Variants in PIK3C2G observed in about 807,000 individuals in gnomAD.
PIK3C2G encodes the protein phosphatidylinositol-4-phosphate 3-kinase catalytic subunit type 2 gamma.
In PIK3C2G, 168 loss-of-function variants were observed where a neutral mutation model predicts 181.1. The ratio of observed to expected loss-of-function variants is 0.93; its 90% CI spans 0.82 to 1.05. The LOEUF (loss-of-function observed/expected upper bound fraction) is 1.05. Ranked by LOEUF, PIK3C2G falls within the 50% of genes least tolerant of loss-of-function variation. The probability of loss-of-function intolerance (pLI) is 0.00; values close to 1 mark genes in which losing one functional copy is unlikely to be tolerated. For missense variants in PIK3C2G, 1,869 were observed against 1,732.8 expected, an observed-to-expected ratio of 1.08 and a Z score of -1.40; for synonymous variants, 573 against 592.2, an observed-to-expected ratio of 0.97 and a Z score of 0.47.
downstream of PIK3C2G, among the ~76,000 whole-genome samples, chr12:18,650,710 AT>A (rs1950455587): frequency 1.4e-4 from 1 of 7,060 alleles, no homozygotes; most frequent in Non-Finnish European, 2.6e-4. Flanking sequence ...GTGTGTATAT[AT>A]CTATATATAT....
chr12:18,562,333 C>T (rs1156913902), intron 26 of PIK3C2G, among the ~76,000 whole-genome samples: 1 of 152,100 alleles, frequency 6.6e-6, no homozygotes, highest in Non-Finnish European at 1.5e-5. Context: ...AGGGTTTCAC[C>T]GTGTTAGCCA....
intron 5 of PIK3C2G, among the ~76,000 whole-genome samples, chr12:18,296,029 C>T (rs945201439): frequency 3.3e-5 from 5 of 152,140 alleles, no homozygotes; most frequent in African/African-American, 1.2e-4. Context: ...TATAGAAGTA[C>T]ACTTCATTTG....
intron 16 of PIK3C2G, among the ~76,000 whole-genome samples, chr12:18,409,066 T>C (rs942108316): frequency 1.3e-5 from 2 of 152,304 alleles, no homozygotes; most frequent in Admixed American, 1.3e-4. Context: ...CAAAGGATTA[T>C]AAATCATTCT....
At chr12:18,316,183 C>T (rs184166776) in intron 6 of PIK3C2G, among the ~76,000 whole-genome samples, 1 of 152,138 alleles carries the variant, frequency 6.6e-6, no homozygotes, top group African/African-American at 2.4e-5. Flanking sequence ...AGTTGCACAG[C>T]TAGTAAATAA....
At chr12:18,475,373 A>AACACACAC (rs57853875) in intron 18 of PIK3C2G, among the ~76,000 whole-genome samples, 3,442 of 139,860 alleles carry the variant, frequency 0.025, 63 homozygotes, top group African/African-American at 0.039. Flanking sequence ...CCACCACCCC[A>AACACACAC]ACACACACAC....
At chr12:18,718,156 A>T in the PIK3C2G span, among the ~76,000 whole-genome samples, 15 of 152,156 alleles carry the variant, frequency 9.9e-5, no homozygotes, top group Non-Finnish European at 1.8e-4. Flanking sequence ...AGATATACTA[A>T]ATGCATTTTC....
chr12:18,408,928 G>T (rs1353302213), intron 16 of PIK3C2G, among the ~76,000 whole-genome samples: 4 of 152,154 alleles, frequency 2.6e-5, no homozygotes, highest in Admixed American at 2.6e-4. Context: ...GGGGAAATAG[G>T]AACGCTTTTA....
intron 14 of PIK3C2G, among the ~76,000 whole-genome samples, chr12:18,384,543 A>G (rs1433846584): frequency 6.6e-6 from 1 of 152,218 alleles, no homozygotes; most frequent in Non-Finnish European, 1.5e-5. Flanking sequence ...AGTTTTGTGG[A>G]TATAAATTCA....
intron 18 of PIK3C2G, among the ~76,000 whole-genome samples, chr12:18,447,621 A>G (rs1056854280): frequency 6.6e-6 from 1 of 152,108 alleles, no homozygotes; most frequent in African/African-American, 2.4e-5. Context: ...TGAAAATGTT[A>G]TGTTTGTTTG....
intron 30 of PIK3C2G, among the ~76,000 whole-genome samples, chr12:18,599,198 C>T (rs972686894): frequency 4.6e-5 from 7 of 152,260 alleles, no homozygotes; most frequent in Admixed American, 1.3e-4. Flanking sequence ...CACATGCACA[C>T]GTATGCTTAT....
chr12:18,375,811 C>T (rs1942395229), intron 13 of PIK3C2G, among the ~76,000 whole-genome samples: 1 of 152,212 alleles, frequency 6.6e-6, no homozygotes, highest in African/African-American at 2.4e-5. Flanking sequence ...GACACTGCTC[C>T]CCACATCCAG....
intron 18 of PIK3C2G, among the ~76,000 whole-genome samples, chr12:18,455,143 A>G (rs1947555300): frequency 6.6e-6 from 1 of 152,234 alleles, no homozygotes; most frequent in African/African-American, 2.4e-5. Context: ...TATACCAGCA[A>G]GACCAAAGTC....
At chr12:18,518,672 A>C (rs1942716254) in intron 24 of PIK3C2G, among the ~76,000 whole-genome samples, 1 of 151,872 alleles carries the variant, frequency 6.6e-6, no homozygotes, top group Non-Finnish European at 1.5e-5. Flanking sequence ...TAATTTTTTC[A>C]AAAAACAAGC....
At chr12:18,444,626 A>C (rs12823944) in intron 18 of PIK3C2G, among the ~76,000 whole-genome samples, 19,453 of 152,068 alleles carry the variant, frequency 0.13, 1,364 homozygotes, top group African/African-American at 0.17. Context: ...GTTGCTGCTG[A>C]TGATGATGAC....
chr12:18,512,065 G>C (rs1342086535), intron 24 of PIK3C2G, among the ~76,000 whole-genome samples: 1 of 151,986 alleles, frequency 6.6e-6, no homozygotes, highest in Non-Finnish European at 1.5e-5. Context: ...TTTATTGAAA[G>C]ACTGTCTTCT....
chr12:18,421,290 C>A (rs993301970), intron 17 of PIK3C2G, among the ~76,000 whole-genome samples: 1 of 151,676 alleles, frequency 6.6e-6, no homozygotes, highest in African/African-American at 2.4e-5. Context: ...AATAGACATG[C>A]TCATGATACA....
rs75539094 is a variant in PIK3C2G at position 18,532,959 on chromosome 12, A to G, written c.3324-5197A>G. Reference sequence around the variant, plus strand: ...GGCTTTTTGAATTGCCTGCTTTAGCAGCATGTATTTCATGCCTAGAATATA... The same window carrying G: ...GGCTTTTTGAATTGCCTGCTTTAGCGGCATGTATTTCATGCCTAGAATATA... On this transcript the variant is annotated intron_variant, in intron 24 of 32. Coordinates refer to ENST00000538779, the MANE Select transcript of PIK3C2G (RefSeq NM_001288772.2). 1.8e-3 allele frequency among the ~76,000 whole-genome samples: 272 copies of G among 148,802 alleles called. 5 individuals carry two copies. Among genetic ancestry groups the G allele is most frequent in the Admixed American group, 0.014 (212 of 14,808 alleles).
intron 13 of PIK3C2G, among the ~76,000 whole-genome samples, chr12:18,372,195 A>ATG (rs371668925): frequency 1.6e-3 from 240 of 148,484 alleles, no homozygotes; most frequent in South Asian, 4.5e-3. Context: ...AGCTGTGTGT[A>ATG]TGTGTGTGTG....
At chr12:18,495,199 G>A (rs1016811256) in intron 20 of PIK3C2G, among the ~76,000 whole-genome samples, 1 of 152,038 alleles carries the variant, frequency 6.6e-6, no homozygotes, top group Non-Finnish European at 1.5e-5. Flanking sequence ...AAAGCATAGA[G>A]TCTTTTTCCT....
Sources: allele counts gnomAD v4.1 joint callset (sites outside exome capture counted in the v4.1 genomes callset), GRCh38; gene constraint gnomAD v4.1.1; transcripts MANE v1.5; gene names NCBI Gene and HGNC (gene_info 2026-07-23, HGNC 2026-07-21).